ZNF341: variants seen among roughly 807,000 people sequenced by gnomAD.
ZNF341 encodes the protein zinc finger protein 341.
A neutral mutation model predicts 87.7 loss-of-function variants in ZNF341; 52 were observed. That is an observed-to-expected ratio of 0.59 (90% CI 0.47 to 0.75). The LOEUF (loss-of-function observed/expected upper bound fraction) is 0.75, where lower values mean the gene tolerates loss of function less well. Ranked by LOEUF, ZNF341 falls within the 30% of genes least tolerant of loss-of-function variation. The pLI is 0.00. For missense variants in ZNF341, 977 were observed against 1,145.9 expected, an observed-to-expected ratio of 0.85 and a Z score of 2.13; for synonymous variants, 459 against 472.7, an observed-to-expected ratio of 0.97 and a Z score of 0.38.
rs1851006361 is a variant in ZNF341 at position 33,732,163 on chromosome 20, C to G, written c.31+111C>G. ...GCAGCGGCCGCGGGGCGGAGGGCGCCGGGGCTGGAACAGCCGCGGGGCGGG... is the reference window on the plus strand; with the variant it reads ...GCAGCGGCCGCGGGGCGGAGGGCGCGGGGGCTGGAACAGCCGCGGGGCGGG... On this transcript the variant is annotated intron_variant, in intron 1 of 14. Transcript: ENST00000375200. This position sits in a 1 kb window ranked among gnomAD's most constrained non-coding sequence, Gnocchi z 4.5. The G allele has an allele frequency of 3.8e-6, 3 of 796,452 alleles. No individual in the cohort carries two copies. The highest frequency in any genetic ancestry group is 1.3e-4 in the East Asian group (1 of 7,972). The allele number at this position is 796,452 out of a possible 1,614,324, so 49.3% of individuals were successfully genotyped here.
In ZNF341 at chr20:33,732,934, A is replaced by T. The variant is rs542896600; in HGVS notation, c.31+882A>T. On this transcript the variant is annotated intron_variant, in intron 1 of 14. Coordinates refer to ENST00000375200, the MANE Select transcript of ZNF341 (RefSeq NM_001282933.2). The surrounding 1 kb of genome is among the most constrained non-coding windows in gnomAD (Gnocchi z 4.5). Reference sequence around the variant, plus strand: ...AAATACAGACCAAGAATGGTCTTGGAGGAGTGGGATGAGATGAGTATACAG... The same window carrying T: ...AAATACAGACCAAGAATGGTCTTGGTGGAGTGGGATGAGATGAGTATACAG... 2.4e-4 allele frequency among the ~76,000 whole-genome samples: 37 copies of T among 152,298 alleles called. No homozygotes were observed. Among genetic ancestry groups the T allele is most frequent in the Non-Finnish European group, 4.9e-4 (33 of 68,030 alleles).
At chr20:33,784,098 T>C (rs1424867314) in intron 12 of ZNF341, among the ~76,000 whole-genome samples, 4 of 76,442 alleles carry the variant, frequency 5.2e-5, no homozygotes, top group African/African-American at 1.1e-4. Flanking sequence ...ATCTCCTTCC[T>C]CCTCCCCATC....
At chr20:33,734,588 C>G (rs1476210098) in intron 1 of ZNF341, among the ~76,000 whole-genome samples, 1 of 152,156 alleles carries the variant, frequency 6.6e-6, no homozygotes, top group Non-Finnish European at 1.5e-5. Flanking sequence ...AGGGAAGACC[C>G]AAGTGGTGCC....
At chr20:33,738,749 T>G (rs2018744053) in intron 1 of ZNF341, among the ~76,000 whole-genome samples, 1 of 152,026 alleles carries the variant, frequency 6.6e-6, no homozygotes, top group African/African-American at 2.4e-5. Context: ...GATGGAAACA[T>G]GAATTTGCAG....
intron 2 of ZNF341, among the ~76,000 whole-genome samples, chr20:33,743,282 C>T (rs1264624883): frequency 1.3e-5 from 2 of 150,648 alleles, no homozygotes; most frequent in Non-Finnish European, 2.9e-5. Context: ...ATCCGCCTGC[C>T]TCAGCCTCAC....
At chr20:33,753,902 A>C (rs2019115100) in intron 5 of ZNF341, among the ~76,000 whole-genome samples, 1 of 152,092 alleles carries the variant, frequency 6.6e-6, no homozygotes, top group Admixed American at 6.6e-5. Flanking sequence ...ACAACTGCGG[A>C]TCTTGGCTGG....
At position 33,791,711 on chromosome 20, in the gene ZNF341, A is replaced by G. The variant is rs546631988; in HGVS notation, c.*194A>G. 1 of 623,766 alleles carries G rather than the reference A, an allele frequency of 1.6e-6. No homozygotes were observed. The highest frequency in any genetic ancestry group is 1.8e-5 in the African/African-American group (1 of 54,772). The allele number at this position is 623,766 out of a possible 1,614,324, so 38.6% of individuals were successfully genotyped here. A position where few individuals can be genotyped will look rare whatever the true frequency, so the allele number is the denominator to read the frequency against. ...CCCTCTCCTGCCGGAAAGCCCTGCA[A>G]CATTCTAGGGTTGGGGGCAGGGCCA... On this transcript the variant is annotated 3_prime_UTR_variant, in exon 15 of 15. Coordinates refer to ENST00000375200, the MANE Select transcript of ZNF341 (RefSeq NM_001282933.2).
At chr20:33,764,561 A>ATTTTTTTTTT (rs1164096634) in intron 8 of ZNF341, among the ~76,000 whole-genome samples, 6 of 28,412 alleles carry the variant, frequency 2.1e-4, no homozygotes, top group African/African-American at 4.4e-4. Context: ...ATATATATAT[A>ATTTTTTTTTT]TTTTTTTTTT....
In ZNF341 at chr20:33,732,051, G is replaced by A. The variant is rs201085406; in HGVS notation, c.30G>A (p.Glu10=). Residue 10 remains glutamate (E), a splice_region_variant and synonymous_variant, in exon 1 of 15, where the codon GAG becomes GAA. Transcript: ENST00000375200. This position sits in a 1 kb window ranked among gnomAD's most constrained non-coding sequence, Gnocchi z 4.5. ...CGCAGGCGATCTTTGAGGCCCTGGA[G>A]GGTGAGCGGCGGCGGGGCCGGCGGA... The part of the protein sequence containing the change: MAQAIFEAL[E]GMDNQTVLAV... 14 of 1,300,092 alleles carry A rather than the reference G, an allele frequency of 1.1e-5. No individual in the cohort carries two copies. The highest frequency in any genetic ancestry group is 6.2e-5 in the East Asian group (2 of 32,008). The allele number at this position is 1,300,092 out of a possible 1,614,324, so 80.5% of individuals were successfully genotyped here. A position where few individuals can be genotyped will look rare whatever the true frequency, so the allele number is the denominator to read the frequency against.
At chr20:33,735,067 G>A (rs1179402944) in intron 1 of ZNF341, among the ~76,000 whole-genome samples, 1 of 151,976 alleles carries the variant, frequency 6.6e-6, no homozygotes, top group Non-Finnish European at 1.5e-5. Context: ...CTCTCACTCT[G>A]TCACCCAAGC....
chr20:33,769,382 G>T (rs1469638272), intron 9 of ZNF341, among the ~76,000 whole-genome samples: 2 of 149,930 alleles, frequency 1.3e-5, no homozygotes, highest in African/African-American at 2.5e-5. Flanking sequence ...TGGTGGGGGG[G>T]GGGGCAGTGG....
chr20:33,752,809 G>A (rs777299665), intron 4 of ZNF341, among the ~76,000 whole-genome samples: 6 of 151,650 alleles, frequency 4.0e-5, no homozygotes, highest in Admixed American at 6.6e-5. Flanking sequence ...CCGCCACCAC[G>A]CCCGGCTAAT....
chr20:33,780,515 C>T (rs2019720317), intron 10 of ZNF341, among the ~76,000 whole-genome samples: 2 of 151,930 alleles, frequency 1.3e-5, no homozygotes, highest in African/African-American at 4.8e-5. Flanking sequence ...TTAAGTGATT[C>T]TCCTGACTCA....
chr20:33,789,638 C>T, intron 14 of ZNF341, 50 bp downstream of exon 14: 6 of 1,587,638 alleles, frequency 3.8e-6, no homozygotes, highest in Non-Finnish European at 5.2e-6. Flanking sequence ...CTCTAGTTCA[C>T]TGGGATAGAC....
At chr20:33,740,839 A>G in intron 1 of ZNF341, 63 bp from the exon 2 acceptor site, 1 of 1,495,656 alleles carries the variant, frequency 6.7e-7, no homozygotes, top group Non-Finnish European at 9.3e-7. Flanking sequence ...TCTGGCTTGT[A>G]AGGGTGATGT....
In ZNF341 at chr20:33,783,767, G is replaced by T; in HGVS notation, c.1755G>T (p.Leu585=). ...GTGAACGCTACCTGCGGCGTCATCT[G>T]CCCACCCACGGCAGCGGGGGCAGGT... ...FPCERYLRRH[L]PTHGSGGRFK... Residue 585 remains leucine (L), a synonymous_variant, in exon 12 of 15, where the codon CTG becomes CTT. Coordinates refer to ENST00000375200, the MANE Select transcript of ZNF341 (RefSeq NM_001282933.2). 1.2e-6 allele frequency: 2 copies of T among 1,613,830 alleles called. No individual in the cohort carries two copies.
intron 11 of ZNF341, among the ~76,000 whole-genome samples, chr20:33,783,120 C>G (rs2019777219): frequency 6.6e-6 from 1 of 151,968 alleles, no homozygotes; most frequent in South Asian, 2.1e-4. Context: ...CACCATTGCA[C>G]TCCAGCCTGG....
intron 7 of ZNF341, among the ~76,000 whole-genome samples, chr20:33,759,757 GGAGAGAGAGAGAGAGGGA>G (rs138135596): frequency 0.2 from 29,787 of 151,042 alleles, 3,655 homozygotes; most frequent in African/African-American, 0.36. Flanking sequence ...TATAACAAAA[GGAGAGAGAGAGAGAGGGA>G]GAGAGAGAGA....
At chr20:33,762,885 A>G (rs1224694989) in intron 8 of ZNF341, among the ~76,000 whole-genome samples, 1 of 152,312 alleles carries the variant, frequency 6.6e-6, no homozygotes, top group African/African-American at 2.4e-5. Flanking sequence ...TTATGGCTGC[A>G]TAGTATTCTA....
Sources: allele counts gnomAD v4.1 joint callset (sites outside exome capture counted in the v4.1 genomes callset), GRCh38; gene constraint gnomAD v4.1.1; non-coding constraint Gnocchi (gnomAD v3.1); transcripts MANE v1.5; gene names NCBI Gene and HGNC (gene_info 2026-07-23, HGNC 2026-07-21).